Variants in CCSER1 observed in about 807,000 individuals in gnomAD.
CCSER1 encodes the protein serine-rich coiled-coil domain-containing protein 1.
Under a neutral mutation model 82.0 loss-of-function variants are expected in CCSER1, and 41 were observed. That is an observed-to-expected ratio of 0.50 (90% CI 0.39 to 0.65). The LOEUF (loss-of-function observed/expected upper bound fraction) is 0.65, where lower values mean the gene tolerates loss of function less well. CCSER1 is among the 30% of genes least tolerant of loss of function. CCSER1 has a pLI of 0.00. For missense variants in CCSER1, 1,119 were observed against 1,064.2 expected (o/e 1.05, Z -0.72); for synonymous variants, 414 against 383.9 (o/e 1.08, Z -0.92).
At chr4:90,945,405 T>A (rs1374364824) in intron 9 of CCSER1, among the ~76,000 whole-genome samples, 2 of 152,196 alleles carry the variant, frequency 1.3e-5, no homozygotes, top group African/African-American at 2.4e-5. Flanking sequence ...ACTATAGACT[T>A]CATTACATAT....
intron 8 of CCSER1, among the ~76,000 whole-genome samples, chr4:90,916,333 AG>A (rs1180613991): frequency 6.6e-6 from 1 of 152,226 alleles, no homozygotes; most frequent in Non-Finnish European, 1.5e-5. Context: ...CCAATGGAAC[AG>A]AACAGAGCCC....
chr4:90,552,977 T>C (rs1465299054), intron 5 of CCSER1, among the ~76,000 whole-genome samples: 2 of 146,978 alleles, frequency 1.4e-5, no homozygotes, highest in Non-Finnish European at 1.5e-5. Flanking sequence ...AATTAACCAT[T>C]TTTTTTTTTT....
At chr4:91,202,124 T>TA (rs559147430) in intron 10 of CCSER1, among the ~76,000 whole-genome samples, 241 of 151,386 alleles carry the variant, frequency 1.6e-3, no homozygotes, top group Non-Finnish European at 2.7e-3. Flanking sequence ...GGTGCCTACT[T>TA]ACATTAATTA....
chr4:90,919,740 G>A (rs1313182731), intron 8 of CCSER1, among the ~76,000 whole-genome samples: 2 of 151,656 alleles, frequency 1.3e-5, no homozygotes, highest in Admixed American at 6.6e-5. Context: ...TATTCATATA[G>A]CAATATTATA....
At chr4:91,170,106 A>G (rs968498801) in intron 10 of CCSER1, among the ~76,000 whole-genome samples, 34 of 152,212 alleles carry the variant, frequency 2.2e-4, no homozygotes, top group South Asian at 2.1e-4. Flanking sequence ...CTGTCTTAAA[A>G]ATATAAAAGC....
intron 4 of CCSER1, among the ~76,000 whole-genome samples, chr4:90,429,258 A>T (rs1212224905): frequency 1.3e-5 from 2 of 151,824 alleles, no homozygotes; most frequent in Admixed American, 1.3e-4. Flanking sequence ...TGAAAAAAAG[A>T]TGTAGCCACA....
chr4:90,762,129 G>A (rs1750494610), intron 7 of CCSER1, among the ~76,000 whole-genome samples: 1 of 152,088 alleles, frequency 6.6e-6, no homozygotes. Context: ...ATCCACACAT[G>A]TCGTGGGAAG....
At chr4:90,436,167 G>A (rs977444432) in intron 4 of CCSER1, among the ~76,000 whole-genome samples, 3 of 151,986 alleles carry the variant, frequency 2.0e-5, no homozygotes, top group African/African-American at 7.2e-5. Flanking sequence ...TTACAAATTA[G>A]GGTTGTGTTT....
At chr4:90,527,968 A>C (rs555838646) in intron 5 of CCSER1, among the ~76,000 whole-genome samples, 1 of 152,196 alleles carries the variant, frequency 6.6e-6, no homozygotes, top group Admixed American at 6.5e-5. Flanking sequence ...AGCATAGGGG[A>C]AATTATGATG....
intron 9 of CCSER1, among the ~76,000 whole-genome samples, chr4:90,932,530 T>A (rs1729954195): frequency 6.6e-6 from 1 of 151,462 alleles, no homozygotes; most frequent in South Asian, 2.1e-4. Context: ...GTTTTGGGGG[T>A]TATAAGAAAC....
At chr4:91,413,874 AG>A (rs1219498064) in intron 10 of CCSER1, among the ~76,000 whole-genome samples, 2 of 152,140 alleles carry the variant, frequency 1.3e-5, no homozygotes, top group African/African-American at 4.8e-5. Context: ...AAGCCAGGAG[AG>A]AGTGGGATAA....
chr4:91,452,678 T>C (rs1317157481), intron 10 of CCSER1, among the ~76,000 whole-genome samples: 1 of 152,166 alleles, frequency 6.6e-6, no homozygotes, highest in East Asian at 1.9e-4. Flanking sequence ...TTAAAACAAC[T>C]GAATGAATTC....
At chr4:91,583,845 G>A in intron 10 of CCSER1, among the ~76,000 whole-genome samples, 1 of 151,342 alleles carries the variant, frequency 6.6e-6, no homozygotes. Flanking sequence ...ACTTTATACA[G>A]CTCTTTAGAT....
intron 3 of CCSER1, among the ~76,000 whole-genome samples, chr4:90,364,071 T>G (rs1440294969): frequency 1.3e-5 from 2 of 152,136 alleles, no homozygotes; most frequent in African/African-American, 4.8e-5. Context: ...GTAAATTGGG[T>G]TTACCAAGTC....
chr4:91,419,733 A>G (rs921792480), intron 10 of CCSER1, among the ~76,000 whole-genome samples: 3 of 152,090 alleles, frequency 2.0e-5, no homozygotes, highest in Non-Finnish European at 2.9e-5. Flanking sequence ...CAAAAGTCCA[A>G]TAATAGCCAA....
At chr4:90,647,326 A>G (rs1727773163) in intron 6 of CCSER1, among the ~76,000 whole-genome samples, 1 of 152,122 alleles carries the variant, frequency 6.6e-6, no homozygotes, top group Admixed American at 6.5e-5. Context: ...AATTGTGTTT[A>G]AGGAGGGGTT....
intron 5 of CCSER1, among the ~76,000 whole-genome samples, chr4:90,540,711 T>C (rs1775996997): frequency 6.6e-6 from 1 of 152,084 alleles, no homozygotes; most frequent in Non-Finnish European, 1.5e-5. Context: ...TAGGAAATCA[T>C]GGACTTTCAG....
chr4:90,786,509 T>TA (rs10715609), intron 7 of CCSER1, among the ~76,000 whole-genome samples: 3 of 152,048 alleles, frequency 2.0e-5, no homozygotes, highest in East Asian at 1.9e-4. Context: ...GTTTAGAAAT[T>TA]AAAAAAAATT....
intron 1 of CCSER1, among the ~76,000 whole-genome samples, chr4:90,233,641 A>T (rs201240898): frequency 0.025 from 3,729 of 151,772 alleles, 158 homozygotes; most frequent in African/African-American, 0.078. Context: ...AATTAAAAAA[A>T]AAAAACAAAA....
Sources: gnomAD v4.1 joint callset for allele counts (sites outside exome capture counted in the v4.1 genomes callset) on GRCh38, gnomAD v4.1.1 for gene constraint, MANE v1.5 for transcripts, NCBI Gene and HGNC (gene_info 2026-07-23, HGNC 2026-07-21) for gene names.